Variants in QSER1 observed in about 807,000 individuals in gnomAD.
QSER1 encodes glutamine and serine-rich protein 1.
A neutral mutation model predicts 158.5 loss-of-function variants in QSER1; 49 were observed. The ratio of observed to expected loss-of-function variants is 0.31; its 90% CI spans 0.25 to 0.39. The LOEUF (loss-of-function observed/expected upper bound fraction) is 0.39, where lower values mean the gene tolerates loss of function less well. Among genes scored for constraint, QSER1 ranks in the 10% least tolerant of loss-of-function variants. The probability of loss-of-function intolerance (pLI) is 1.00; values close to 1 mark genes in which losing one functional copy is unlikely to be tolerated. For missense variants in QSER1, 1,754 were observed against 2,010.3 expected (o/e 0.87, Z 2.44); for synonymous variants, 650 against 715.5 (o/e 0.91, Z 1.46).
At chr11:32,916,632 G>T (rs1310257499) in intron 1 of QSER1, among the ~76,000 whole-genome samples, 1 of 152,144 alleles carries the variant, frequency 6.6e-6, no homozygotes, top group Non-Finnish European at 1.5e-5. Flanking sequence ...GGATCTTACT[G>T]CCCTGAATAC....
chr11:32,896,115 G>A (rs1851551189), intron 1 of QSER1, among the ~76,000 whole-genome samples: 1 of 152,166 alleles, frequency 6.6e-6, no homozygotes, highest in South Asian at 2.1e-4. Flanking sequence ...CCACGCAGTT[G>A]GAAATACCTT....
At chr11:32,901,120 C>G (rs1050871380) in intron 1 of QSER1, among the ~76,000 whole-genome samples, 9 of 152,142 alleles carry the variant, frequency 5.9e-5, no homozygotes, top group African/African-American at 1.7e-4. Context: ...CCACCACTTG[C>G]AGTATGATCT....
intron 1 of QSER1, among the ~76,000 whole-genome samples, chr11:32,905,275 C>G (rs1851678386): frequency 6.6e-6 from 1 of 152,196 alleles, no homozygotes; most frequent in Non-Finnish European, 1.5e-5. Context: ...GAAGCAAACA[C>G]AAATATGTGG....
At chr11:32,954,292 C>A in intron 5 of QSER1, 113 bp downstream of exon 5, 1 of 1,206,270 alleles carries the variant, frequency 8.3e-7, no homozygotes, top group Non-Finnish European at 1.1e-6. Flanking sequence ...AAGTTTTATG[C>A]ATTATAAGTG....
chr11:32,941,269 C>T (rs1852228037), intron 4 of QSER1, among the ~76,000 whole-genome samples: 1 of 150,736 alleles, frequency 6.6e-6, no homozygotes. Context: ...TTTTAGGGTA[C>T]ATGTGCACAT....
intron 8 of QSER1, among the ~76,000 whole-genome samples, chr11:32,960,647 T>C (rs1454109213): frequency 6.6e-6 from 1 of 152,248 alleles, no homozygotes; most frequent in Non-Finnish European, 1.5e-5. Flanking sequence ...TACATAATTT[T>C]TGCAGTTAGC....
At chr11:32,909,310 G>T (rs1177988196) in intron 1 of QSER1, among the ~76,000 whole-genome samples, 2 of 152,146 alleles carry the variant, frequency 1.3e-5, no homozygotes, top group African/African-American at 2.4e-5. Flanking sequence ...CTAAAATTGG[G>T]TTCAAGGAAG....
At chr11:32,971,255 GAGTT>G (rs1262879441) in intron 10 of QSER1, among the ~76,000 whole-genome samples, 1 of 152,088 alleles carries the variant, frequency 6.6e-6, no homozygotes, top group African/African-American at 2.4e-5. Flanking sequence ...ATAATATTAA[GAGTT>G]AGACTGATCT....
intron 1 of QSER1, among the ~76,000 whole-genome samples, chr11:32,912,592 CTGA>C (rs1410862062): frequency 6.6e-6 from 1 of 152,016 alleles, no homozygotes; most frequent in East Asian, 1.9e-4. Flanking sequence ...CCAGGCGATG[CTGA>C]TGAGCATCGC....
chr11:32,925,511 T>C (rs1176394920), intron 1 of QSER1, among the ~76,000 whole-genome samples: 2 of 142,888 alleles, frequency 1.4e-5, no homozygotes, highest in Non-Finnish European at 3.2e-5. Flanking sequence ...TATTTATTTA[T>C]TTATTTATTT....
intron 1 of QSER1, among the ~76,000 whole-genome samples, chr11:32,916,144 G>A (rs1001981324): frequency 7.9e-5 from 12 of 152,064 alleles, no homozygotes; most frequent in African/African-American, 1.9e-4. Flanking sequence ...CAGGTGATCC[G>A]CCTGCCTCGG....
chr11:32,958,064 T>C lies in QSER1; in HGVS notation c.4947T>C (p.His1649=). The C allele has an allele frequency of 6.2e-7, 1 of 1,614,092 alleles. No individual in the cohort carries two copies. Among genetic ancestry groups the C allele is most frequent in the Non-Finnish European group, 8.5e-7 (1 of 1,179,968 alleles). The change falls in exon 8 of 13, where the codon CAT becomes CAC. Residue 1649 remains histidine, a synonymous_variant. Transcript: ENST00000650167. ...SSQSDSSPEI[H]TSSSDDEEFE... ...AATCTGACTCATCTCCTGAGATCCATACTAGTAGTAGTGACGATGAGGGTG... is the reference window on the plus strand; with the variant it reads ...AATCTGACTCATCTCCTGAGATCCACACTAGTAGTAGTGACGATGAGGGTG...
intron 4 of QSER1, among the ~76,000 whole-genome samples, chr11:32,948,002 T>TAAAG (rs1852363817): frequency 6.6e-6 from 1 of 152,178 alleles, no homozygotes; most frequent in Admixed American, 6.5e-5. Context: ...CAAACATGCA[T>TAAAG]AAAGAAAAAT....
At chr11:32,949,718 T>C (rs182630954) in intron 4 of QSER1, among the ~76,000 whole-genome samples, 7 of 152,326 alleles carry the variant, frequency 4.6e-5, no homozygotes, top group Admixed American at 4.6e-4. Context: ...AATAACATAG[T>C]ATGGGCTCCT....
At position 32,934,560 on chromosome 11, in the gene QSER1, A is replaced by C. The variant is rs972139425; in HGVS notation, c.3302A>C (p.Gln1101Pro). 3.0e-5 allele frequency: 48 copies of C among 1,613,390 alleles called. No individual in the cohort carries two copies. The highest frequency in any genetic ancestry group is 3.9e-5 in the Non-Finnish European group (46 of 1,179,954). The change falls in exon 4 of 13, where the codon CAA becomes CCA. Residue 1101 changes from glutamine (Q) to proline (P), a missense_variant. By Grantham distance (76) the Gln-to-Pro change is moderately conservative. Around this residue, in one of 2 missense-constraint regions of QSER1, gnomAD observed 1,707 missense variants for 1,919.6 expected, o/e 0.89. Coordinates refer to ENST00000650167, the MANE Select transcript of QSER1 (RefSeq NM_001076786.3). ...VVGPSHEVQE[Q>P]SSGPFKKQSA... The stretch of plus-strand genomic sequence containing the variant: ...GGACCAAGTCATGAAGTCCAGGAGC[A>C]AAGTTCTGGCCCATTCAAGAAACAG...
At chr11:32,956,692 C>A (rs1202304215) in intron 7 of QSER1, among the ~76,000 whole-genome samples, 1 of 152,154 alleles carries the variant, frequency 6.6e-6, no homozygotes, top group Non-Finnish European at 1.5e-5. Flanking sequence ...GGTCCAGTTT[C>A]ATTAACATTC....
At chr11:32,928,154 C>T (rs1390541676) in intron 3 of QSER1, 31 bp downstream of exon 3, 1 of 1,359,562 alleles carries the variant, frequency 7.4e-7, no homozygotes. Flanking sequence ...TTTTTAAGTC[C>T]TATAAAAATG....
At position 32,934,980 on chromosome 11, in the gene QSER1, C is replaced by T. The variant is rs567992301; in HGVS notation, c.3722C>T (p.Pro1241Leu). 44 of 1,614,082 alleles carry T rather than the reference C, an allele frequency of 2.7e-5. No individual in the cohort carries two copies. Among genetic ancestry groups the T allele is most frequent in the East Asian group, 1.6e-4 (7 of 44,882 alleles). ...CCAAGGGGAACAGATATTTACTTAC[C>T]GTATACTCCTCCTTCCTCAGAAAGC... ...QNPRGTDIYL[P>L]YTPPSSESCH... Residue 1241 changes from proline (P) to leucine (L), a missense_variant, in exon 4 of 13, where the codon CCG (proline) becomes CTG (leucine). Pro to Leu is a moderately conservative substitution (Grantham distance 98, BLOSUM62 -3). Around this residue, in one of 2 missense-constraint regions of QSER1, gnomAD observed 1,707 missense variants for 1,919.6 expected, o/e 0.89. Transcript: ENST00000650167.
chr11:32,913,031 T>A (rs1460156065), intron 1 of QSER1, among the ~76,000 whole-genome samples: 1 of 152,114 alleles, frequency 6.6e-6, no homozygotes, highest in Admixed American at 6.6e-5. Context: ...CCTGTCTACC[T>A]CATATCCCTG....
Sources: allele counts gnomAD v4.1 joint callset (sites outside exome capture counted in the v4.1 genomes callset), GRCh38; gene constraint gnomAD v4.1.1; regional missense constraint gnomAD v4.1.1; transcripts MANE v1.5; gene names NCBI Gene and HGNC (gene_info 2026-07-23, HGNC 2026-07-21).